ROBO2: variants seen among roughly 807,000 people sequenced by gnomAD.
The protein encoded by ROBO2 is roundabout guidance receptor 2.
A neutral mutation model predicts 160.8 loss-of-function variants in ROBO2; 53 were observed. The ratio of observed to expected loss-of-function variants is 0.33; its 90% CI spans 0.26 to 0.41. The LOEUF is 0.41. ROBO2 is among the 10% of genes least tolerant of loss of function. ROBO2 has a pLI of 1.00. For synonymous variants in ROBO2, 664 were observed against 611.7 expected (o/e 1.09, Z -1.26); for missense variants, 1,577 against 1,722.4 (o/e 0.92, Z 1.49).
At chr3:76,383,042 G>A (rs1202164489) in intron 2 of ROBO2, among the ~76,000 whole-genome samples, 3 of 152,174 alleles carry the variant, frequency 2.0e-5, no homozygotes, top group Admixed American at 1.3e-4. Context: ...ATAAAGAAGA[G>A]TTTGAATTTG....
intron 2 of ROBO2, among the ~76,000 whole-genome samples, chr3:76,650,555 GCT>G (rs908151086): frequency 6.6e-6 from 1 of 151,138 alleles, no homozygotes; most frequent in African/African-American, 2.4e-5. Flanking sequence ...GTGATTCTAA[GCT>G]CTGTTTGCTG....
intron 2 of ROBO2, among the ~76,000 whole-genome samples, chr3:76,500,975 C>A (rs72900591): frequency 1.8e-4 from 14 of 78,952 alleles, no homozygotes; most frequent in African/African-American, 3.3e-4. Context: ...TTCTAGAAGG[C>A]CTGGCTTGAC....
At chr3:76,411,182 A>T (rs1030004463) in intron 2 of ROBO2, among the ~76,000 whole-genome samples, 8 of 152,162 alleles carry the variant, frequency 5.3e-5, no homozygotes, top group African/African-American at 1.9e-4. Context: ...TATAGGCTGA[A>T]TTATAGAATT....
chr3:75,984,160 A>T (rs1233584278), intron 2 of ROBO2, among the ~76,000 whole-genome samples: 1 of 151,522 alleles, frequency 6.6e-6, no homozygotes, highest in Non-Finnish European at 1.5e-5. Context: ...CCAATGTGTT[A>T]TTCAAAGATG....
intron 2 of ROBO2, among the ~76,000 whole-genome samples, chr3:77,380,134 C>G (rs1406154979): frequency 6.6e-6 from 1 of 152,212 alleles, no homozygotes; most frequent in Non-Finnish European, 1.5e-5. Context: ...ACAAGGAACA[C>G]TTATCAAAGT....
chr3:76,212,289 T>A (rs941584569), intron 2 of ROBO2, among the ~76,000 whole-genome samples: 1 of 151,954 alleles, frequency 6.6e-6, no homozygotes, highest in African/African-American at 2.4e-5. Context: ...GAGCTTGCAA[T>A]CGTATGGAGA....
intron 2 of ROBO2, among the ~76,000 whole-genome samples, chr3:76,809,714 T>G (rs911422218): frequency 1.3e-5 from 2 of 152,152 alleles, no homozygotes; most frequent in African/African-American, 4.8e-5. Flanking sequence ...ATTGTATTTT[T>G]GCTTATCATA....
intron 2 of ROBO2, among the ~76,000 whole-genome samples, chr3:77,291,236 A>G (rs1202505469): frequency 2.0e-5 from 3 of 151,730 alleles, no homozygotes; most frequent in Non-Finnish European, 4.4e-5. Flanking sequence ...CTAAAGACAT[A>G]AAGTAAAATT....
At chr3:77,252,648 A>T (rs541296482) in intron 2 of ROBO2, among the ~76,000 whole-genome samples, 7 of 150,638 alleles carry the variant, frequency 4.6e-5, no homozygotes, top group African/African-American at 1.7e-4. Flanking sequence ...TCTACTAAAA[A>T]TACAAAAAAA....
chr3:76,324,967 G>A (rs921535150), intron 2 of ROBO2, among the ~76,000 whole-genome samples: 20 of 152,144 alleles, frequency 1.3e-4, no homozygotes, highest in Non-Finnish European at 2.6e-4. Flanking sequence ...TTAGCCGGGC[G>A]TGGTGGCAGC....
intron 2 of ROBO2, among the ~76,000 whole-genome samples, chr3:76,860,003 C>T (rs1036956394): frequency 1.4e-4 from 21 of 152,102 alleles, no homozygotes; most frequent in African/African-American, 4.3e-4. Context: ...TGATATTTTA[C>T]GATTTTCAAA....
chr3:77,403,668 T>A (rs1042098783), intron 2 of ROBO2, among the ~76,000 whole-genome samples: 24 of 151,972 alleles, frequency 1.6e-4, no homozygotes, highest in African/African-American at 5.5e-4. Flanking sequence ...ATTCTTTATC[T>A]TGGTTATTGT....
intron 2 of ROBO2, among the ~76,000 whole-genome samples, chr3:76,739,591 CG>C (rs1290502301): frequency 6.6e-6 from 1 of 151,402 alleles, no homozygotes; most frequent in African/African-American, 2.4e-5. Context: ...CTGACCTGCA[CG>C]TTGTGCACAT....
At chr3:76,854,412 C>T (rs1399965628) in intron 2 of ROBO2, among the ~76,000 whole-genome samples, 3 of 152,040 alleles carry the variant, frequency 2.0e-5, no homozygotes, top group Non-Finnish European at 4.4e-5. Context: ...TATTTAATAT[C>T]CATAGATGTT....
At chr3:76,424,526 T>G (rs2076130306) in intron 2 of ROBO2, among the ~76,000 whole-genome samples, 2 of 152,056 alleles carry the variant, frequency 1.3e-5, no homozygotes, top group African/African-American at 4.8e-5. Context: ...ATGGGAAGTG[T>G]TGGTCAAAGG....
intron 2 of ROBO2, among the ~76,000 whole-genome samples, chr3:76,978,584 T>G (rs1577997753): frequency 6.6e-6 from 1 of 152,096 alleles, no homozygotes; most frequent in East Asian, 1.9e-4. Flanking sequence ...GAAATCAATA[T>G]TTTTTGGACT....
chr3:76,236,249 C>T (rs1704936969), intron 2 of ROBO2, among the ~76,000 whole-genome samples: 1 of 151,920 alleles, frequency 6.6e-6, no homozygotes, highest in African/African-American at 2.4e-5. Context: ...TAAAAACATT[C>T]TAATTATTAC....
intron 2 of ROBO2, among the ~76,000 whole-genome samples, chr3:76,573,972 C>T (rs2085123673): frequency 6.6e-6 from 1 of 152,184 alleles, no homozygotes; most frequent in Admixed American, 6.6e-5. Context: ...CTCTGCGTTC[C>T]CATAGCATTT....
intron 1 of ROBO2, among the ~76,000 whole-genome samples, chr3:77,062,956 T>C (rs1445045738): frequency 6.6e-6 from 1 of 152,180 alleles, no homozygotes. Context: ...GTTACATTTT[T>C]TTTAATAATA....
Sources: allele counts gnomAD v4.1 joint callset (sites outside exome capture counted in the v4.1 genomes callset), GRCh38; gene constraint gnomAD v4.1.1; transcripts MANE v1.5; gene names NCBI Gene and HGNC (gene_info 2026-07-23, HGNC 2026-07-21).